The following PCDH15 variants were observed in gnomAD, a reference collection of about 807,000 sequenced individuals.
PCDH15 encodes the protein protocadherin related 15.
PCDH15 carries 129 observed loss-of-function variants against 178.5 expected under a neutral mutation model. The observed-to-expected ratio is 0.72, with a 90% CI of 0.63 to 0.84. The LOEUF is 0.84. Ranked by LOEUF, PCDH15 falls within the 40% of genes least tolerant of loss-of-function variation. The probability of loss-of-function intolerance (pLI) is 0.00; values close to 1 mark genes in which losing one functional copy is unlikely to be tolerated. For synonymous variants in PCDH15, 800 were observed against 732.0 expected (o/e 1.09, Z -1.50); for missense variants, 2,230 against 2,099.9 (o/e 1.06, Z -1.21).
intron 2 of PCDH15, chr10:54,599,724 A>G: frequency 2.1e-6 from 1 of 465,382 alleles, no homozygotes; most frequent in South Asian, 1.9e-5. Flanking sequence ...GAAAGAAAGA[A>G]GGGGAAAAGG....
intron 2 of PCDH15, among the ~76,000 whole-genome samples, chr10:54,632,476 A>C (rs1209436142): frequency 6.6e-6 from 1 of 152,132 alleles, no homozygotes; most frequent in Non-Finnish European, 1.5e-5. Context: ...TGGCATGATA[A>C]ATGTTAAAAA....
At chr10:54,655,279 A>AGC (rs2094361989) in intron 2 of PCDH15, among the ~76,000 whole-genome samples, 1 of 125,470 alleles carries the variant, frequency 8.0e-6, no homozygotes, top group Non-Finnish European at 1.8e-5. Flanking sequence ...AGAGAGAGAG[A>AGC]GAGAGAGAGA....
chr10:55,250,329 TG>T (rs1841800212), intron 1 of PCDH15, among the ~76,000 whole-genome samples: 1 of 151,742 alleles, frequency 6.6e-6, no homozygotes, highest in Non-Finnish European at 1.5e-5. Context: ...TTATTTTTTG[TG>T]GAGATAGGGT....
chr10:54,309,912 T>C (rs569028247), intron 8 of PCDH15, among the ~76,000 whole-genome samples: 1 of 152,180 alleles, frequency 6.6e-6, no homozygotes, highest in Admixed American at 6.6e-5. Flanking sequence ...ACATTCATAG[T>C]AAATGAACAC....
intron 1 of PCDH15, among the ~76,000 whole-genome samples, chr10:54,741,435 G>A (rs1248468622): frequency 2.6e-5 from 4 of 151,802 alleles, no homozygotes; most frequent in Non-Finnish European, 5.9e-5. Flanking sequence ...AAAGTGAAAG[G>A]AAGGCTTACA....
chr10:54,294,369 C>T (rs11818784), intron 8 of PCDH15, among the ~76,000 whole-genome samples: 9,816 of 152,106 alleles, frequency 0.065, 418 homozygotes, highest in African/African-American at 0.12. Flanking sequence ...ATGTAAATGA[C>T]GAGTTAATGG....
chr10:54,975,075 C>T (rs886472862), intron 2 of PCDH15, among the ~76,000 whole-genome samples: 2 of 152,188 alleles, frequency 1.3e-5, no homozygotes, highest in Non-Finnish European at 2.9e-5. Flanking sequence ...CATCAGTGAA[C>T]ACCTTGAGCA....
intron 2 of PCDH15, among the ~76,000 whole-genome samples, chr10:55,460,297 G>T (rs572554244): frequency 7.5e-4 from 114 of 151,716 alleles, no homozygotes; most frequent in Non-Finnish European, 1.3e-3. Context: ...GTATTGGGAT[G>T]GCTAAAATAA....
intron 2 of PCDH15, among the ~76,000 whole-genome samples, chr10:55,358,042 G>T (rs993915462): frequency 3.9e-5 from 6 of 152,040 alleles, no homozygotes; most frequent in African/African-American, 1.4e-4. Context: ...AAGAGTAAAA[G>T]CTATTTTAAT....
chr10:55,607,078 G>T (rs192691266), intron 2 of PCDH15, among the ~76,000 whole-genome samples: 2 of 152,272 alleles, frequency 1.3e-5, no homozygotes, highest in East Asian at 3.9e-4. Context: ...CTATCAAAAA[G>T]TGGGCAAAGG....
intron 3 of PCDH15, among the ~76,000 whole-genome samples, chr10:54,501,197 A>G (rs762981532): frequency 6.6e-6 from 1 of 151,812 alleles, no homozygotes; most frequent in Non-Finnish European, 1.5e-5. Flanking sequence ...ACAAATTTGC[A>G]TGTTCTGCAC....
chr10:54,940,057 C>T (rs1838020897), intron 2 of PCDH15, among the ~76,000 whole-genome samples: 1 of 152,126 alleles, frequency 6.6e-6, no homozygotes, highest in South Asian at 2.1e-4. Flanking sequence ...ATCATTATTT[C>T]CTACCATGTG....
At chr10:54,205,953 T>C (rs2050750862) in intron 10 of PCDH15, among the ~76,000 whole-genome samples, 2 of 152,228 alleles carry the variant, frequency 1.3e-5, no homozygotes, top group South Asian at 4.1e-4. Flanking sequence ...ATACCTTTTT[T>C]TGTATGACAA....
chr10:54,600,051 G>T lies in PCDH15; in HGVS notation c.91+64121C>A, dbSNP rs2092452332. 3.1e-6 allele frequency: 4 copies of T among 1,281,244 alleles called. No individual in the cohort carries two copies. In the Admixed American group the frequency reaches 8.0e-5, roughly 26 times the overall value. The allele number at this position is 1,281,244 out of a possible 1,614,324, so 79.4% of individuals were successfully genotyped here. On this transcript the variant is annotated intron_variant, in intron 2 of 37. Transcript: ENST00000644397. ...AAGTGGGGAAAGGTGAACAGAAAGA[G>T]GAAGAAAAGGAAATCGAGGAAGCTC...
chr10:55,578,682 T>G (rs1842545335), intron 2 of PCDH15, among the ~76,000 whole-genome samples: 1 of 152,140 alleles, frequency 6.6e-6, no homozygotes, highest in Admixed American at 6.6e-5. Flanking sequence ...ACTGGGTAAT[T>G]TATAAAGGAA....
At chr10:54,641,019 A>G (rs1590761888) in intron 2 of PCDH15, 5 of 195,200 alleles carry the variant, frequency 2.6e-5, no homozygotes, top group South Asian at 1.3e-4. Flanking sequence ...CAGGAGAATA[A>G]CTTGAACCCA....
chr10:54,538,679 G>A (rs1222129285), intron 2 of PCDH15, among the ~76,000 whole-genome samples: 1 of 152,102 alleles, frequency 6.6e-6, no homozygotes, highest in African/African-American at 2.4e-5. Flanking sequence ...TGCCCTTGCT[G>A]TTCTTGTGAT....
intron 8 of PCDH15, among the ~76,000 whole-genome samples, chr10:54,239,432 T>TATAGAGAGAGAGAGAGAGAGAGAG (rs1554853331): frequency 2.0e-5 from 3 of 150,558 alleles, no homozygotes; most frequent in African/African-American, 4.9e-5. Flanking sequence ...TATATATATA[T>TATAGAGAGAGAGAGAGAGAGAGAG]AGAGTAAGAA....
At chr10:53,857,804 AT>A (rs2078854710) in intron 27 of PCDH15, among the ~76,000 whole-genome samples, 1 of 152,090 alleles carries the variant, frequency 6.6e-6, no homozygotes, top group South Asian at 2.1e-4. Flanking sequence ...AAATGAGCTA[AT>A]TTAATGGCTG....
Sources: allele counts gnomAD v4.1 joint callset (sites outside exome capture counted in the v4.1 genomes callset), GRCh38; gene constraint gnomAD v4.1.1; transcripts MANE v1.5; gene names NCBI Gene and HGNC (gene_info 2026-07-23, HGNC 2026-07-21).